ARFGEF2: variants seen among roughly 807,000 people sequenced by gnomAD.
ARFGEF2 encodes the protein brefeldin A-inhibited guanine nucleotide-exchange protein 2.
ARFGEF2 carries 74 observed loss-of-function variants against 219.9 expected under a neutral mutation model. The observed-to-expected ratio is 0.34, with a 90% confidence interval of 0.28 to 0.41. The LOEUF (loss-of-function observed/expected upper bound fraction) is 0.41. ARFGEF2 is among the 10% of genes least tolerant of loss of function. The probability of loss-of-function intolerance (pLI) is 1.00; values close to 1 mark genes in which losing one functional copy is unlikely to be tolerated. For missense variants in ARFGEF2, 1,743 were observed against 2,218.3 expected (o/e 0.79, Z 4.30); for synonymous variants, 733 against 799.2 (o/e 0.92, Z 1.40).
Position 48,960,687 on chromosome 20 carries a change from T to A in ARFGEF2, c.839-3143T>A, listed in dbSNP as rs1170432072. Among the ~76,000 whole-genome samples the A allele has an allele frequency of 7.9e-5, 12 of 151,718 alleles. No individual in the cohort carries two copies. In the East Asian group the frequency reaches 2.2e-3, roughly 28 times the overall value. ...TTGGTAGAGACTGGGTTTCTGTTGT[T>A]GACCAGGCTGGTCTCGAACTCCAGA... On this transcript the variant is annotated intron_variant, in intron 6 of 38. Coordinates refer to ENST00000371917, the MANE Select transcript of ARFGEF2 (RefSeq NM_006420.3).
intron 22 of ARFGEF2, 66 bp from the exon 23 acceptor site, chr20:48,995,717 A>C: frequency 7.3e-7 from 1 of 1,378,406 alleles, no homozygotes; most frequent in Non-Finnish European, 1.0e-6. Flanking sequence ...TTGACATAAC[A>C]GGATGCTTTG....
At chr20:48,960,319 C>T (rs1423252606) in intron 6 of ARFGEF2, among the ~76,000 whole-genome samples, 2 of 152,018 alleles carry the variant, frequency 1.3e-5, no homozygotes, top group African/African-American at 4.8e-5. Flanking sequence ...AACTGATATA[C>T]CTGTATGGGG....
chr20:48,968,777 A>T (rs968609476), intron 8 of ARFGEF2, among the ~76,000 whole-genome samples: 2 of 152,106 alleles, frequency 1.3e-5, no homozygotes, highest in Non-Finnish European at 2.9e-5. Context: ...TAAACCACCC[A>T]TACCAACTCT....
chr20:48,941,388 A>G (rs972904358), intron 2 of ARFGEF2, among the ~76,000 whole-genome samples, 159 bp downstream of exon 2: 1 of 152,186 alleles, frequency 6.6e-6, no homozygotes, highest in Admixed American at 6.5e-5. Context: ...AACTCTGTGT[A>G]TGTTTGAACT....
chr20:49,028,747 G>A, intron 37 of ARFGEF2, 79 bp downstream of exon 37: 2 of 1,499,910 alleles, frequency 1.3e-6, no homozygotes, highest in Middle Eastern at 1.8e-4. Flanking sequence ...ATTGAAAAGA[G>A]TAAGAGAAAA....
At chr20:48,964,867 CAG>C (rs1032318849) in intron 7 of ARFGEF2, among the ~76,000 whole-genome samples, 9 of 152,012 alleles carry the variant, frequency 5.9e-5, no homozygotes, top group East Asian at 1.9e-4. Flanking sequence ...TAAAATGAAA[CAG>C]AGTACAAATG....
chr20:48,996,920 G>A (rs998868065), intron 23 of ARFGEF2, among the ~76,000 whole-genome samples: 6 of 151,356 alleles, frequency 4.0e-5, no homozygotes, highest in Non-Finnish European at 7.4e-5. Context: ...ATCACTCTCC[G>A]TTTTCTTTTC....
intron 25 of ARFGEF2, among the ~76,000 whole-genome samples, chr20:49,003,899 G>A (rs1488374254): frequency 6.6e-6 from 1 of 152,150 alleles, no homozygotes; most frequent in Non-Finnish European, 1.5e-5. Context: ...GGAGATTGAT[G>A]ATATTTATTT....
chr20:48,952,444 G>A (rs1336493252), intron 4 of ARFGEF2, among the ~76,000 whole-genome samples: 1 of 152,168 alleles, frequency 6.6e-6, no homozygotes, highest in Non-Finnish European at 1.5e-5. Context: ...TGAGCCAGTA[G>A]AAAGCCTGCT....
chr20:48,985,298 A>G (rs1401750411), intron 15 of ARFGEF2, 110 bp from the exon 16 acceptor site: 7 of 1,169,692 alleles, frequency 6.0e-6, no homozygotes, highest in Admixed American at 1.9e-5. Context: ...AGTCCAGCCT[A>G]TTCTGGGCAG....
At chr20:48,936,459 G>A (rs1188133641) in intron 1 of ARFGEF2, among the ~76,000 whole-genome samples, 23 of 152,032 alleles carry the variant, frequency 1.5e-4, no homozygotes, top group Admixed American at 1.4e-3. Context: ...CAGACGGGGC[G>A]GCTGCCGGGC....
At chr20:48,966,326 G>T (rs899403254) in intron 8 of ARFGEF2, among the ~76,000 whole-genome samples, 7 of 152,052 alleles carry the variant, frequency 4.6e-5, no homozygotes, top group Admixed American at 3.9e-4. Flanking sequence ...AAAATATATA[G>T]TTACCCGTCT....
chr20:49,011,240 T>C (rs185307539), intron 27 of ARFGEF2, among the ~76,000 whole-genome samples: 18 of 152,318 alleles, frequency 1.2e-4, no homozygotes, highest in Middle Eastern at 6.8e-3. Context: ...AGGTTATGTC[T>C]TGATCAGCTG....
In ARFGEF2 at chr20:48,973,235, A is replaced by C; in HGVS notation, c.1616A>C (p.Lys539Thr). Residue 539 changes from lysine to threonine, a missense_variant, in exon 12 of 39, where the codon AAA (lysine) becomes ACA (threonine). Transcript: ENST00000371917. ...GAGCGCCTTGTAAATGATTTATCCA[A>C]AATTGCTCAGGGAAGAAGTGGACAT... ...IFERLVNDLS[K>T]IAQGRSGHEL... The C allele has an allele frequency of 3.7e-6, 6 of 1,614,188 alleles. No homozygotes were observed. The highest frequency in any genetic ancestry group is 5.1e-6 in the Non-Finnish European group (6 of 1,180,042).
At chr20:49,029,516 C>T (rs1275080296) in intron 37 of ARFGEF2, among the ~76,000 whole-genome samples, 1 of 152,144 alleles carries the variant, frequency 6.6e-6, no homozygotes, top group Non-Finnish European at 1.5e-5. Flanking sequence ...AAATTTTAAG[C>T]AGCTCAACTG....
rs2123591924 is a variant in ARFGEF2 at position 49,033,169 on chromosome 20, G to C, written c.5328G>C (p.Gln1776His). The change falls in exon 39 of 39, where the codon CAG (glutamine) becomes CAC (histidine). Residue 1776 changes from glutamine (Q) to histidine (H), a missense_variant. Around this residue, in one of 5 missense-constraint regions of ARFGEF2, gnomAD observed 578 missense variants for 664.0 expected, o/e 0.87. Transcript: ENST00000371917. ...TATGGATACCAGAAGAGCCATCACA[G>C]GTACCAGCAGCACTGTCACCAGTGT... ...YKIWIPEEPS[Q>H]VPAALSPVW The C allele has an allele frequency of 1.9e-6, 3 of 1,614,202 alleles. No individual in the cohort carries two copies. Among genetic ancestry groups the C allele is most frequent in the Middle Eastern group, 1.6e-4 (1 of 6,062 alleles).
intron 3 of ARFGEF2, among the ~76,000 whole-genome samples, chr20:48,948,546 G>A (rs1423271897): frequency 1.3e-5 from 2 of 152,154 alleles, no homozygotes; most frequent in African/African-American, 2.4e-5. Flanking sequence ...GACTTAATTT[G>A]TACCAAATAT....
At position 48,971,202 on chromosome 20, in the gene ARFGEF2, C is replaced by T. The variant is rs781129285; in HGVS notation, c.1273C>T (p.His425Tyr). 1.2e-6 allele frequency: 2 copies of T among 1,614,174 alleles called. No individual in the cohort carries two copies. Among genetic ancestry groups the T allele is most frequent in the East Asian group, 4.5e-5 (2 of 44,888 alleles). ...LQNAGPVFRT[H>Y]EMFINAIKQY... ...AAATGCTGGCCCCGTATTCAGGACT[C>T]ACGAGATGTTCATCAATGCAATCAA... Residue 425 changes from histidine (H) to tyrosine (Y), a missense_variant, in exon 10 of 39, where the codon CAC becomes TAC. Coordinates refer to ENST00000371917, the MANE Select transcript of ARFGEF2 (RefSeq NM_006420.3).
At chr20:48,936,208 G>T (rs2090954310) in intron 1 of ARFGEF2, among the ~76,000 whole-genome samples, 1 of 134,152 alleles carries the variant, frequency 7.5e-6, no homozygotes, top group African/African-American at 3.2e-5. Context: ...CCGGGCAGAG[G>T]CGCCCCTCAC....
Sources: gnomAD v4.1 joint callset for allele counts (sites outside exome capture counted in the v4.1 genomes callset) on GRCh38, gnomAD v4.1.1 for gene constraint, gnomAD v4.1.1 regional missense constraint, MANE v1.5 for transcripts, NCBI Gene and HGNC (gene_info 2026-07-23, HGNC 2026-07-21) for gene names.